PHLPP2: variants seen among roughly 807,000 people sequenced by gnomAD.
The protein encoded by PHLPP2 is PH domain leucine-rich repeat-containing protein phosphatase 2.
A neutral mutation model predicts 124.9 loss-of-function variants in PHLPP2; 66 were observed. The ratio of observed to expected loss-of-function variants is 0.53; its 90% CI spans 0.43 to 0.65. PHLPP2 has a LOEUF of 0.65. Ranked by LOEUF, PHLPP2 falls within the 30% of genes least tolerant of loss-of-function variation. The pLI, the probability that PHLPP2 is intolerant of heterozygous loss-of-function variation, is 0.00. For missense variants in PHLPP2, 1,685 were observed against 1,600.4 expected, an observed-to-expected ratio of 1.05 and a Z score of -0.90; for synonymous variants, 681 against 624.7, an observed-to-expected ratio of 1.09 and a Z score of -1.34.
At chr16:71,710,582 T>C (rs1338326311) in intron 2 of PHLPP2, among the ~76,000 whole-genome samples, 1 of 152,210 alleles carries the variant, frequency 6.6e-6, no homozygotes, top group East Asian at 1.9e-4. Context: ...GAGCACTTGT[T>C]AGGTGCCAGA....
chr16:71,703,809 G>A (rs753824578), intron 2 of PHLPP2, among the ~76,000 whole-genome samples: 14 of 152,124 alleles, frequency 9.2e-5, no homozygotes, highest in Non-Finnish European at 1.9e-4. Flanking sequence ...ATACTATATA[G>A]TATGAAAAGT....
rs758744134 is a variant in PHLPP2 at position 71,679,530 on chromosome 16, G to C, written c.896C>G (p.Ser299Cys). The change falls in exon 7 of 19, where the codon TCT becomes TGT. Residue 299 changes from serine to cysteine, a missense_variant. Ser to Cys is a moderately radical substitution (Grantham distance 112). Coordinates refer to ENST00000568954, the MANE Select transcript of PHLPP2 (RefSeq NM_015020.3). ...GGACAAGTTCAGGCCCTTCAGTTGAGAAAATCTAAAGAGCAAAGGCAAAAA... is the reference window on the plus strand; with the variant it reads ...GGACAAGTTCAGGCCCTTCAGTTGACAAAATCTAAAGAGCAAAGGCAAAAA... Reference protein sequence around the residue: ...PGGLDTLYKFSQLKGLNLSHN... With the variant: ...PGGLDTLYKFCQLKGLNLSHN... The C allele has an allele frequency of 5.6e-6, 9 of 1,613,614 alleles. No homozygotes were observed. In the African/African-American group the frequency reaches 1.1e-4, roughly 19 times the overall value.
At chr16:71,722,832 A>C (rs76967766) in intron 1 of PHLPP2, among the ~76,000 whole-genome samples, 1,760 of 152,238 alleles carry the variant, frequency 0.012, 33 homozygotes, top group African/African-American at 0.04. Context: ...ACTCTTTCAA[A>C]TGCTAGTAAA....
At chr16:71,716,553 T>C (rs2045364301) in intron 1 of PHLPP2, among the ~76,000 whole-genome samples, 1 of 152,244 alleles carries the variant, frequency 6.6e-6, no homozygotes, top group Non-Finnish European at 1.5e-5. Context: ...TCTGTTCTTT[T>C]TGATAAAAAA....
chr16:71,655,978 G>T (rs1161617877), intron 16 of PHLPP2, among the ~76,000 whole-genome samples: 1 of 152,122 alleles, frequency 6.6e-6, no homozygotes, highest in Non-Finnish European at 1.5e-5. Flanking sequence ...GCTGCCAAAG[G>T]CTGGTAAGAT....
At chr16:71,668,452 G>T (rs1234410869) in intron 11 of PHLPP2, among the ~76,000 whole-genome samples, 1 of 145,008 alleles carries the variant, frequency 6.9e-6, no homozygotes, top group Non-Finnish European at 1.5e-5. Flanking sequence ...AAGAGTGAAG[G>T]CTCTGGAGTA....
At chr16:71,709,122 T>G (rs1418192348) in intron 2 of PHLPP2, among the ~76,000 whole-genome samples, 1 of 152,186 alleles carries the variant, frequency 6.6e-6, no homozygotes. Context: ...ATTCCAATTT[T>G]GTAACATATA....
chr16:71,694,947 G>A (rs1450638588), intron 3 of PHLPP2, among the ~76,000 whole-genome samples: 1 of 151,900 alleles, frequency 6.6e-6, no homozygotes, highest in African/African-American at 2.4e-5. Flanking sequence ...ACCACGCCCG[G>A]CTAATATTTT....
chr16:71,713,397 A>C (rs988428323), intron 2 of PHLPP2, among the ~76,000 whole-genome samples: 1 of 152,204 alleles, frequency 6.6e-6, no homozygotes, highest in Non-Finnish European at 1.5e-5. Context: ...TATAACCTCT[A>C]TGAAGAAGAA....
chr16:71,702,522 A>T, intron 3 of PHLPP2, 76 bp downstream of exon 3: 1 of 1,235,478 alleles, frequency 8.1e-7, no homozygotes, highest in South Asian at 1.5e-5. Flanking sequence ...TACCTTTAAA[A>T]AGCTGACGGC....
chr16:71,697,065 G>A (rs780036415), intron 3 of PHLPP2, among the ~76,000 whole-genome samples: 28 of 151,978 alleles, frequency 1.8e-4, no homozygotes, highest in Non-Finnish European at 3.7e-4. Flanking sequence ...CAGTCACTCA[G>A]GAGGCTGAGG....
chr16:71,662,736 G>A (rs571770658), intron 13 of PHLPP2, among the ~76,000 whole-genome samples: 183 of 151,674 alleles, frequency 1.2e-3, no homozygotes, highest in African/African-American at 4.2e-3. Context: ...AATTTTCCAG[G>A]TTTTAGCTGG....
At chr16:71,701,736 T>C (rs987726586) in intron 3 of PHLPP2, among the ~76,000 whole-genome samples, 1 of 129,450 alleles carries the variant, frequency 7.7e-6, no homozygotes. Context: ...TTTAGTTATC[T>C]GCAGTCAATC....
chr16:71,695,675 A>C (rs2045162079), intron 3 of PHLPP2, among the ~76,000 whole-genome samples: 1 of 150,870 alleles, frequency 6.6e-6, no homozygotes, highest in Admixed American at 6.7e-5. Context: ...ATGCCACTGC[A>C]CTCCAGCCTG....
In PHLPP2 at chr16:71,682,973, C is replaced by G. The variant is rs556568790; in HGVS notation, c.736-1068G>C. On this transcript the variant is annotated intron_variant, in intron 5 of 18. Coordinates refer to ENST00000568954, the MANE Select transcript of PHLPP2 (RefSeq NM_015020.3). ...ATCACCTGAGGTCAGGAGTTCGAGA[C>G]CAGCCTGGCCAACATGGTGAAACCC... Among the ~76,000 whole-genome samples, 7 of 152,238 alleles carry G rather than the reference C, an allele frequency of 4.6e-5. No individual in the cohort carries two copies. The South Asian group carries it at 1.2e-3, about 27-fold the overall frequency.
In PHLPP2 at chr16:71,649,912, T is replaced by G; in HGVS notation, c.2950A>C (p.Asn984His). ...GACAAGTGTTCCCACAATGCTTTGT[T>G]TCCCAGAATCAGCAACTCATCTTGA... The part of the protein sequence containing the change: ...TIQDELLILG[N>H]KALWEHLSYT... The change falls in exon 19 of 19, where the codon AAC becomes CAC. Residue 984 changes from asparagine to histidine, a missense_variant. Asn to His is a moderately conservative substitution (Grantham distance 68). Coordinates refer to ENST00000568954, the MANE Select transcript of PHLPP2 (RefSeq NM_015020.3). The G allele has an allele frequency of 6.2e-7, 1 of 1,614,230 alleles. No individual in the cohort carries two copies.
At chr16:71,697,246 C>T (rs1399376106) in intron 3 of PHLPP2, among the ~76,000 whole-genome samples, 3 of 151,812 alleles carry the variant, frequency 2.0e-5, no homozygotes, top group African/African-American at 7.3e-5. Flanking sequence ...CAATTTTCCA[C>T]ACTTGACTTC....
chr16:71,690,392 A>G, intron 4 of PHLPP2, 127 bp downstream of exon 4: 2 of 688,300 alleles, frequency 2.9e-6, no homozygotes, highest in Admixed American at 2.7e-5. Context: ...AGTCTCTGAT[A>G]TAATCTTTAA....
At chr16:71,705,701 A>T (rs1420298945) in intron 2 of PHLPP2, among the ~76,000 whole-genome samples, 2 of 152,088 alleles carry the variant, frequency 1.3e-5, no homozygotes, top group African/African-American at 4.8e-5. Context: ...TAGTAGGGAC[A>T]GGGTTTTATC....
Sources: gnomAD v4.1 joint callset for allele counts (sites outside exome capture counted in the v4.1 genomes callset) on GRCh38, gnomAD v4.1.1 for gene constraint, MANE v1.5 for transcripts, NCBI Gene and HGNC (gene_info 2026-07-23, HGNC 2026-07-21) for gene names.